DCTN5: variants seen among roughly 807,000 people sequenced by gnomAD.
The protein encoded by DCTN5 is dynactin subunit 5.
DCTN5 carries 14 observed loss-of-function variants against 23.5 expected under a neutral mutation model. The ratio of observed to expected loss-of-function variants is 0.60; its 90% CI spans 0.39 to 0.93. The LOEUF (loss-of-function observed/expected upper bound fraction) is 0.93, where lower values mean the gene tolerates loss of function less well. Among genes scored for constraint, DCTN5 ranks in the 40% least tolerant of loss-of-function variants. The pLI, the probability that DCTN5 is intolerant of heterozygous loss-of-function variation, is 0.00. For missense variants in DCTN5, 156 were observed against 225.9 expected (o/e 0.69, Z 1.98); for synonymous variants, 67 against 79.6 (o/e 0.84, Z 0.84).
chr16:23,667,232 GT>G lies in DCTN5; in HGVS notation c.*89del, dbSNP rs1967924306. ...CAGTCAGCACCTACAAAGAGCTTTT[GT>G]GTCTTTGACATCTACCACCCTCCTC... is the stretch of plus-strand genomic sequence containing the variant. On this transcript the variant is annotated 3_prime_UTR_variant, in exon 6 of 6. Coordinates refer to ENST00000300087, the MANE Select transcript of DCTN5 (RefSeq NM_032486.4). The G allele has an allele frequency of 4.5e-6, 7 of 1,546,956 alleles. No individual in the cohort carries two copies. Among genetic ancestry groups the G allele is most frequent in the Non-Finnish European group, 6.2e-6 (7 of 1,132,298 alleles).
intron 3 of DCTN5, 49 bp from the exon 4 acceptor site, chr16:23,661,121 A>G (rs1967801507): frequency 7.4e-7 from 1 of 1,344,110 alleles, no homozygotes; most frequent in African/African-American, 1.4e-5. Context: ...CCTTGACCCA[A>G]AGTACATCAT....
intron 2 of DCTN5, chr16:23,657,525 C>T (rs1394003347): frequency 1.7e-5 from 7 of 416,730 alleles, no homozygotes; most frequent in South Asian, 1.2e-4. Context: ...ACTGCAACCT[C>T]CGCCTCCCAG....
Position 23,676,326 on chromosome 16 carries a change from T to C in DCTN5, c.*9182T>C, listed in dbSNP as rs1959224732. On this transcript the variant is annotated 3_prime_UTR_variant, in exon 6 of 6. Transcript: ENST00000300087. ...GAGTTTGAGACCAGCCTGACCGACA[T>C]GGTGAAAAGTAAAAATACAAAAATA... 1 of 151,716 alleles carries C rather than the reference T, an allele frequency of 6.6e-6. No homozygotes were observed. 9.4% of individuals were successfully genotyped at this position (151,716 alleles called of 1,614,324 possible). A position where few individuals can be genotyped will look rare whatever the true frequency, so the allele number is the denominator to read the frequency against.
At chr16:23,648,349 T>C (rs1243318694) in intron 2 of DCTN5, among the ~76,000 whole-genome samples, 19 of 144,418 alleles carry the variant, frequency 1.3e-4, no homozygotes, top group South Asian at 6.7e-4. Context: ...TTTTTCTTTT[T>C]TTTTTTTTTT....
rs8058061 is a variant in DCTN5, at chr16:23,641,699, A to G, written c.48+109A>G. 0.056 allele frequency: 65,572 copies of G among 1,176,184 alleles called. 2,927 individuals carry two copies. Among genetic ancestry groups the G allele is most frequent in the African/African-American group, 0.2 (13,067 of 65,966 alleles). The allele number at this position is 1,176,184 out of a possible 1,614,324, so 72.9% of individuals were successfully genotyped here. On this transcript the variant is annotated intron_variant, in intron 1 of 5. Transcript: ENST00000300087. Reference sequence around the variant, plus strand: ...CCCACCAACCCCTGTCCCTTTGGCCATTAGTCCCGGATTATCTAGCGATGC... The same window carrying G: ...CCCACCAACCCCTGTCCCTTTGGCCGTTAGTCCCGGATTATCTAGCGATGC...
At chr16:23,646,641 A>G (rs1401244019) in intron 2 of DCTN5, among the ~76,000 whole-genome samples, 3 of 151,850 alleles carry the variant, frequency 2.0e-5, no homozygotes, top group Non-Finnish European at 2.9e-5. Context: ...CAGTGGTGCA[A>G]TCTCGGCTCA....
At chr16:23,657,597 C>T (rs543914221) in intron 2 of DCTN5, 122 of 283,538 alleles carry the variant, frequency 4.3e-4, no homozygotes, top group African/African-American at 2.7e-3. Context: ...GTACTTGCCA[C>T]CATGTCCGGC....
rs1225549498 is a variant in DCTN5, at chr16:23,668,030, T to C, written c.*886T>C. The C allele has an allele frequency of 6.6e-6, 1 of 152,256 alleles. No homozygotes were observed. The highest frequency in any genetic ancestry group is 6.5e-5 in the Admixed American group (1 of 15,286). 9.4% of individuals were successfully genotyped at this position (152,256 alleles called of 1,614,324 possible). ...ACACCAAAATGTCTGTACTTAGAGCTAATTCGCATATATACAGGAAGGGCT... is the reference window on the plus strand; with the variant it reads ...ACACCAAAATGTCTGTACTTAGAGCCAATTCGCATATATACAGGAAGGGCT... On this transcript the variant is annotated 3_prime_UTR_variant, in exon 6 of 6. Coordinates refer to ENST00000300087, the MANE Select transcript of DCTN5 (RefSeq NM_032486.4).
At position 23,673,651 on chromosome 16, in the gene DCTN5, C is replaced by T. The variant is rs764845939; in HGVS notation, c.*6507C>T. ...GAGGGATCACCCTAATCAAATAAAG[C>T]TACTCAAAAATAAAATATGAAAGGT... On this transcript the variant is annotated 3_prime_UTR_variant, in exon 6 of 6. Transcript: ENST00000300087. The T allele has an allele frequency of 6.6e-6, 1 of 152,214 alleles. No individual in the cohort carries two copies. The highest frequency in any genetic ancestry group is 1.5e-5 in the Non-Finnish European group (1 of 68,038). 9.4% of individuals were successfully genotyped at this position (152,214 alleles called of 1,614,324 possible). A position where few individuals can be genotyped will look rare whatever the true frequency, so the allele number is the denominator to read the frequency against.
At chr16:23,663,074 G>A (rs1967844066) in intron 4 of DCTN5, among the ~76,000 whole-genome samples, 1 of 152,170 alleles carries the variant, frequency 6.6e-6, no homozygotes, top group African/African-American at 2.4e-5. Flanking sequence ...TTTTAGTCCA[G>A]CCGTCCCCAT....
At chr16:23,662,854 G>A (rs1263403625) in intron 4 of DCTN5, among the ~76,000 whole-genome samples, 2 of 152,190 alleles carry the variant, frequency 1.3e-5, no homozygotes, top group African/African-American at 4.8e-5. Flanking sequence ...AGAGCGAAAT[G>A]TCTGAAAGGT....
chr16:23,642,907 GAAACCT>G, intron 1 of DCTN5, 42 bp from the exon 2 acceptor site: 1 of 1,550,764 alleles, frequency 6.4e-7, no homozygotes, highest in East Asian at 2.2e-5. Context: ...CTGTAGTCCA[GAAACCT>G]ATTAAGTTTG....
intron 1 of DCTN5, chr16:23,642,493 T>A (rs1967309306): frequency 6.4e-6 from 1 of 155,866 alleles, no homozygotes; most frequent in South Asian, 1.9e-4. Context: ...TTTGTGTTTT[T>A]ATTTTTTGAG....
chr16:23,668,435 A>G lies in DCTN5; in HGVS notation c.*1291A>G, dbSNP rs549664717. On this transcript the variant is annotated 3_prime_UTR_variant, in exon 6 of 6. Coordinates refer to ENST00000300087, the MANE Select transcript of DCTN5 (RefSeq NM_032486.4). ...ACCACCAAAATACATAGCTTCGACA[A>G]GATGGAAGTTTATTTCTCTCTCCCA... 3 of 152,376 alleles carry G rather than the reference A, an allele frequency of 2.0e-5. No homozygotes were observed. The highest frequency in any genetic ancestry group is 2.0e-4 in the Admixed American group (3 of 15,310). The allele number at this position is 152,376 out of a possible 1,614,324, so 9.4% of individuals were successfully genotyped here.
At chr16:23,654,389 C>G (rs116661511) in intron 2 of DCTN5, among the ~76,000 whole-genome samples, 2,756 of 152,096 alleles carry the variant, frequency 0.018, 78 homozygotes, top group African/African-American at 0.063. Flanking sequence ...ATGGATGGAG[C>G]TGGAGGCTAA....
At chr16:23,649,787 G>A (rs1468764984) in intron 2 of DCTN5, among the ~76,000 whole-genome samples, 1 of 148,390 alleles carries the variant, frequency 6.7e-6, no homozygotes, top group African/African-American at 2.5e-5. Flanking sequence ...GTAGTGAGTC[G>A]AGATGGTGCC....
chr16:23,644,294 ATTTTTTT>A (rs534821955), intron 2 of DCTN5, among the ~76,000 whole-genome samples: 1 of 97,352 alleles, frequency 1.0e-5, no homozygotes, highest in Non-Finnish European at 2.0e-5. Context: ...TGCCCACCTA[ATTTTTTT>A]TTTTTTTTTT....
chr16:23,650,195 G>A lies in DCTN5; in HGVS notation c.117+7172G>A, dbSNP rs141242773. ...TACTTTGGCTATTCAGAGTCTCTGCGAATTTTAGGATCTTTTTTCTATTTT... is the reference window on the plus strand; with the variant it reads ...TACTTTGGCTATTCAGAGTCTCTGCAAATTTTAGGATCTTTTTTCTATTTT... On this transcript the variant is annotated intron_variant, in intron 2 of 5. Transcript: ENST00000300087. Among the ~76,000 whole-genome samples the A allele has an allele frequency of 3.9e-3, 590 of 152,202 alleles. 3 individuals carry two copies. The highest frequency in any genetic ancestry group is 0.013 in the African/African-American group (529 of 41,522).
At position 23,671,855 on chromosome 16, in the gene DCTN5, G is replaced by A. The variant is rs953760818; in HGVS notation, c.*4711G>A. ...TCTTACTTCCCTGAAAACAGTACCT[G>A]GACTTTTCTGTATCTTCACATCCAT... On this transcript the variant is annotated 3_prime_UTR_variant, in exon 6 of 6. Transcript: ENST00000300087. The A allele has an allele frequency of 3.3e-5, 5 of 152,306 alleles. No individual in the cohort carries two copies. The East Asian group carries it at 7.7e-4, about 24-fold the overall frequency. 9.4% of individuals were successfully genotyped at this position (152,306 alleles called of 1,614,324 possible). A position where few individuals can be genotyped will look rare whatever the true frequency, so the allele number is the denominator to read the frequency against.
Sources: allele counts gnomAD v4.1 joint callset (sites outside exome capture counted in the v4.1 genomes callset), GRCh38; gene constraint gnomAD v4.1.1; transcripts MANE v1.5; gene names NCBI Gene and HGNC (gene_info 2026-07-23, HGNC 2026-07-21).